ADAM22: variants seen among roughly 807,000 people sequenced by gnomAD.
ADAM22 encodes ADAM metallopeptidase domain 22, also known as disintegrin and metalloproteinase domain-containing protein 22.
In ADAM22, 65 loss-of-function variants were observed where a neutral mutation model predicts 144.6. That is an observed-to-expected ratio of 0.45 (90% CI 0.37 to 0.55). The LOEUF (loss-of-function observed/expected upper bound fraction) is 0.55. Ranked by LOEUF, ADAM22 falls within the 20% of genes least tolerant of loss-of-function variation. ADAM22 has a pLI of 0.00. For missense variants in ADAM22, 974 were observed against 1,184.9 expected (o/e 0.82, Z 2.61); for synonymous variants, 391 against 412.6 (o/e 0.95, Z 0.63).
rs1840632687 is a variant in ADAM22 at position 87,934,284 on chromosome 7, G to T, written c.-182G>T. The T allele has an allele frequency of 1.9e-6, 1 of 530,892 alleles. No homozygotes were observed. The highest frequency in any genetic ancestry group is 2.0e-5 in the African/African-American group (1 of 49,138). 32.9% of individuals were successfully genotyped at this position (530,892 alleles called of 1,614,324 possible). Reference sequence around the variant, plus strand: ...GCTCCCCCCGCCAGCGGAAGCGTCCGCGAAGCACAATGCAGCACTGAGCCG... The same window carrying T: ...GCTCCCCCCGCCAGCGGAAGCGTCCTCGAAGCACAATGCAGCACTGAGCCG... On this transcript the variant is annotated 5_prime_UTR_variant, in exon 1 of 32. Transcript: ENST00000413139.
intron 3 of ADAM22, among the ~76,000 whole-genome samples, chr7:87,985,137 C>A (rs898700243): frequency 2.6e-5 from 4 of 151,226 alleles, no homozygotes; most frequent in African/African-American, 9.7e-5. Context: ...CATGGTGAAA[C>A]CCCGTCTCTA....
intron 22 of ADAM22, among the ~76,000 whole-genome samples, chr7:88,158,350 A>G (rs935847302): frequency 6.6e-6 from 1 of 152,164 alleles, no homozygotes; most frequent in Non-Finnish European, 1.5e-5. Context: ...TCATCAAGGC[A>G]GAAAATTAAC....
intron 30 of ADAM22, among the ~76,000 whole-genome samples, chr7:88,191,392 G>T (rs1031735394): frequency 1.3e-5 from 2 of 152,196 alleles, no homozygotes; most frequent in Admixed American, 1.3e-4. Context: ...TGTTTTGCAT[G>T]ATCCCCTAAA....
intron 2 of ADAM22, among the ~76,000 whole-genome samples, chr7:87,948,525 A>G (rs546207684): frequency 6.6e-6 from 1 of 152,176 alleles, no homozygotes; most frequent in East Asian, 1.9e-4. Flanking sequence ...CTCACTGCTC[A>G]TAATCCCCTG....
Position 88,165,946 on chromosome 7 carries a change from G to A in ADAM22, c.2191G>A (p.Gly731Ser), listed in dbSNP as rs1368291173. The stretch of plus-strand genomic sequence containing the variant: ...GACTGGTATCACTCTGTCTGGCAAT[G>A]GTAAGTACTTAATTTGGTAACATTA... Reference protein sequence around the residue: ...AKTGITLSGNGVAGTNIIIGI... With the variant: ...AKTGITLSGNSVAGTNIIIGI... Residue 731 changes from glycine (G) to serine (S), a missense_variant and splice_region_variant, in exon 24 of 32, where the codon GGT becomes AGT. Physicochemically the swap from Gly to Ser is moderately conservative, Grantham distance 56. Around this residue, in one of 2 missense-constraint regions of ADAM22, gnomAD observed 734 missense variants for 950.6 expected, o/e 0.77. Transcript: ENST00000413139. 6.2e-7 allele frequency: 1 copy of A among 1,602,190 alleles called. No individual in the cohort carries two copies. The highest frequency in any genetic ancestry group is 1.7e-5 in the Admixed American group (1 of 58,206).
At chr7:88,031,822 C>T (rs1335413506) in intron 3 of ADAM22, among the ~76,000 whole-genome samples, 1 of 152,232 alleles carries the variant, frequency 6.6e-6, no homozygotes, top group Non-Finnish European at 1.5e-5. Context: ...ACACTGCTCC[C>T]TCTGTCCCAG....
intron 4 of ADAM22, among the ~76,000 whole-genome samples, chr7:88,091,725 C>T (rs1196956157): frequency 5.3e-5 from 8 of 152,136 alleles, no homozygotes; most frequent in African/African-American, 1.9e-4. Context: ...CTATAATCTA[C>T]TGTAGTTTAT....
chr7:88,057,189 G>T (rs1412207739), intron 3 of ADAM22, among the ~76,000 whole-genome samples: 3 of 151,794 alleles, frequency 2.0e-5, no homozygotes, highest in Non-Finnish European at 4.4e-5. Flanking sequence ...TGAACTCCTG[G>T]GCTCAAGCAA....
In ADAM22 at chr7:88,186,600, C is replaced by T; in HGVS notation, c.2664-15C>T. 1 of 1,535,364 alleles carries T rather than the reference C, an allele frequency of 6.5e-7. No homozygotes were observed. Among genetic ancestry groups the T allele is most frequent in the Non-Finnish European group, 9.0e-7 (1 of 1,108,552 alleles). ...CTTGTTCTGCTTTCTTTGTTCCTTC[C>T]ATTGCTTTCTGCAGGTATTTAAACC... is the stretch of plus-strand genomic sequence containing the variant. On this transcript the variant is annotated splice_polypyrimidine_tract_variant and intron_variant, in intron 29 of 31. Coordinates refer to ENST00000413139, the MANE Select transcript of ADAM22 (RefSeq NM_001324418.2).
chr7:87,964,781 C>A (rs1848684657), intron 2 of ADAM22: 2 of 315,732 alleles, frequency 6.3e-6, no homozygotes, highest in South Asian at 2.8e-5. Context: ...TCCTGGAACT[C>A]AAGGGCAAGG....
rs2279542 is a variant in ADAM22, at chr7:87,935,182, C to T, written c.242C>T (p.Pro81Leu). 7 of 1,600,342 alleles carry T rather than the reference C, an allele frequency of 4.4e-6. No individual in the cohort carries two copies. The highest frequency in any genetic ancestry group is 6.0e-6 in the Non-Finnish European group (7 of 1,172,830). The change falls in exon 2 of 32, where the codon CCG (proline) becomes CTG (leucine). Residue 81 changes from proline (P) to leucine (L), a missense_variant. Pro to Leu is a moderately conservative substitution (Grantham distance 98). Transcript: ENST00000413139. Reference sequence around the variant, plus strand: ...CGGGTGCGGGGCGACCTCGGTGGCCCGCAGGTGAGAGGCTCGGTCCGGGAG... The same window carrying T: ...CGGGTGCGGGGCGACCTCGGTGGCCTGCAGGTGAGAGGCTCGGTCCGGGAG... ...DTRVRGDLGG[P>L]QLTHVDQASF...
At chr7:88,118,061 T>G (rs1489558599) in intron 7 of ADAM22, among the ~76,000 whole-genome samples, 1 of 152,088 alleles carries the variant, frequency 6.6e-6, no homozygotes, top group African/African-American at 2.4e-5. Context: ...TTATTCCCGG[T>G]TTGTAGATGA....
At chr7:88,130,158 A>G (rs528594837) in intron 9 of ADAM22, among the ~76,000 whole-genome samples, 1 of 152,252 alleles carries the variant, frequency 6.6e-6, no homozygotes, top group African/African-American at 2.4e-5. Flanking sequence ...CCAGATGAAT[A>G]AATTGAGGCT....
intron 27 of ADAM22, among the ~76,000 whole-genome samples, chr7:88,179,501 G>A (rs567604058): frequency 2.0e-5 from 3 of 152,042 alleles, no homozygotes; most frequent in South Asian, 2.1e-4. Context: ...AGCTAAGCTC[G>A]CTATGAAACA....
At chr7:87,967,590 C>G (rs759774219) in intron 2 of ADAM22, among the ~76,000 whole-genome samples, 1 of 151,894 alleles carries the variant, frequency 6.6e-6, no homozygotes, top group African/African-American at 2.4e-5. Flanking sequence ...GCAGTCAGAT[C>G]ATGAGGTCAG....
chr7:87,978,132 G>T (rs1236556595), intron 2 of ADAM22, among the ~76,000 whole-genome samples: 2 of 152,168 alleles, frequency 1.3e-5, no homozygotes, highest in Admixed American at 1.3e-4. Context: ...TGTCCTCTTT[G>T]ATTGGGTGGT....
chr7:88,148,958 T>A lies in ADAM22; in HGVS notation c.1486-19T>A. On this transcript the variant is annotated intron_variant, in intron 17 of 31. Transcript: ENST00000413139. ...TTTTTCTCCCTACAGTTTCACACGT[T>A]GATTTTTGTTCATTTTAGTTTCAGC... The A allele has an allele frequency of 6.3e-7, 1 of 1,595,480 alleles. No individual in the cohort carries two copies. Among genetic ancestry groups the A allele is most frequent in the Middle Eastern group, 1.7e-4 (1 of 6,010 alleles).
intron 3 of ADAM22, among the ~76,000 whole-genome samples, chr7:87,983,027 C>T (rs576041409): frequency 1.3e-5 from 2 of 151,912 alleles, no homozygotes; most frequent in African/African-American, 4.8e-5. Context: ...TGAAAACAAT[C>T]TCTTCTGAAG....
In ADAM22 at chr7:88,179,019, C is replaced by T. The variant is rs749614721; in HGVS notation, c.2385C>T (p.Asn795=). The T allele has an allele frequency of 5.0e-6, 8 of 1,613,354 alleles. No individual in the cohort carries two copies. Among genetic ancestry groups the T allele is most frequent in the Non-Finnish European group, 6.8e-6 (8 of 1,179,418 alleles). The stretch of plus-strand genomic sequence containing the variant: ...ACATTCCTCCCGGAGTCAGCACAAA[C>T]TCAGCATCTAGTTCTAAGAAGAGGT... ...YSDIPPGVST[N]SASSSKKRSA... is the part of the protein sequence containing the mutation. Residue 795 remains asparagine (N), a synonymous_variant, in exon 27 of 32, where the codon AAC becomes AAT. Transcript: ENST00000413139.
Sources: gnomAD v4.1 joint callset for allele counts (sites outside exome capture counted in the v4.1 genomes callset) on GRCh38, gnomAD v4.1.1 for gene constraint, gnomAD v4.1.1 regional missense constraint, MANE v1.5 for transcripts, NCBI Gene and HGNC (gene_info 2026-07-23, HGNC 2026-07-21) for gene names.